FBN3: variants seen among roughly 807,000 people sequenced by gnomAD.
FBN3 encodes the protein fibrillin-3.
A neutral mutation model predicts 330.1 loss-of-function variants in FBN3; 234 were observed. That is an observed-to-expected ratio of 0.71 (90% confidence interval 0.64 to 0.79). The LOEUF (loss-of-function observed/expected upper bound fraction) is 0.79. FBN3 is among the 30% of genes least tolerant of loss of function. The pLI is 0.00. For missense variants in FBN3, 3,606 were observed against 3,886.9 expected (o/e 0.93, Z 1.92); for synonymous variants, 1,458 against 1,517.3 (o/e 0.96, Z 0.91).
intron 39 of FBN3, among the ~76,000 whole-genome samples, chr19:8,103,101 T>A (rs1299717994): frequency 6.6e-6 from 1 of 151,886 alleles, no homozygotes; most frequent in Non-Finnish European, 1.5e-5. Flanking sequence ...ACCCTGTCTC[T>A]ACTAAAAATA....
intron 38 of FBN3, among the ~76,000 whole-genome samples, chr19:8,103,942 T>C (rs1445336101): frequency 6.6e-6 from 1 of 151,288 alleles, no homozygotes; most frequent in African/African-American, 2.4e-5. Context: ...TCGAGACCAG[T>C]CTGGGCAACA....
In FBN3 at chr19:8,094,515, G is replaced by C. The variant is rs773510275; in HGVS notation, c.5836C>G (p.Gln1946Glu). 1 of 1,614,038 alleles carries C rather than the reference G, an allele frequency of 6.2e-7. No individual in the cohort carries two copies. The change falls in exon 47 of 64, where the codon CAG becomes GAG. Residue 1946 changes from glutamine (Q) to glutamate (E), a missense_variant. Physicochemically the swap from Gln to Glu is conservative, Grantham distance 29. Coordinates refer to ENST00000600128, the MANE Select transcript of FBN3 (RefSeq NM_032447.5). ...LAGTCLPGTC[Q>E]NLEGSFRCIC... The stretch of plus-strand genomic sequence containing the variant: ...CAGCGGAAGGAGCCCTCGAGGTTCT[G>C]GCAAGTGCCGGGTAGGCAGGTTCCT...
chr19:8,135,936 G>GGGCGCCCCCCCC, intron 13 of FBN3, 25 bp downstream of exon 13: 1 of 668,778 alleles, frequency 1.5e-6, no homozygotes, highest in South Asian at 1.6e-5. Flanking sequence ...GGAAGCCCCT[G>GGGCGCCCCCCCC]CCCACCCGCC....
At chr19:8,119,341 C>T (rs149052224) in intron 25 of FBN3, among the ~76,000 whole-genome samples, 1 of 152,316 alleles carries the variant, frequency 6.6e-6, no homozygotes, top group East Asian at 1.9e-4. Flanking sequence ...AGCTGAGGCT[C>T]AGTCCCGCCA....
intron 63 of FBN3, among the ~76,000 whole-genome samples, chr19:8,071,438 G>C (rs2081508815): frequency 6.6e-6 from 1 of 152,156 alleles, no homozygotes; most frequent in Admixed American, 6.6e-5. Context: ...TGGGGCCCTG[G>C]GGCTCCTAAG....
At position 8,085,162 on chromosome 19, in the gene FBN3, C is replaced by G. The variant is rs7256384; in HGVS notation, c.7087+201G>C. On this transcript the variant is annotated intron_variant, in intron 56 of 63. Coordinates refer to ENST00000600128, the MANE Select transcript of FBN3 (RefSeq NM_032447.5). ...CTCACACAACTGCTCCCTCAACCCC[C>G]CGAGTTCTTCCATGCATATGGTGCA... is the stretch of plus-strand genomic sequence containing the variant. 5.7e-3 allele frequency among the ~76,000 whole-genome samples: 862 copies of G among 151,990 alleles called. 11 individuals are homozygous for G. The highest frequency in any genetic ancestry group is 0.019 in the African/African-American group (808 of 41,458).
intron 30 of FBN3, 30 bp from the exon 31 acceptor site, chr19:8,112,129 C>G (rs759318514): frequency 8.7e-6 from 14 of 1,605,382 alleles, no homozygotes; most frequent in Non-Finnish European, 1.2e-5. Flanking sequence ...GACGCCAAGA[C>G]CCAGTCACAG....
Position 8,129,208 on chromosome 19 carries a change from C to T in FBN3, c.2170+32G>A, listed in dbSNP as rs1026587721. On this transcript the variant is annotated intron_variant, in intron 17 of 63. Transcript: ENST00000600128. This position sits in a 1 kb window ranked among gnomAD's most constrained non-coding sequence, Gnocchi z 4.5. ...AGGGGTCTGCAGTGGGAGAGGCTGC[C>T]CACACATCCGCCCGCCAGGTGGCAT... 28 of 1,612,462 alleles carry T rather than the reference C, an allele frequency of 1.7e-5. No individual in the cohort carries two copies. The highest frequency in any genetic ancestry group is 2.2e-5 in the Non-Finnish European group (26 of 1,179,300).
Position 8,091,562 on chromosome 19 carries a change from G to C in FBN3, c.5934C>G (p.Asn1978Lys). The change falls in exon 48 of 64, where the codon AAC (asparagine) becomes AAG (lysine). Residue 1978 changes from asparagine to lysine, a missense_variant. Transcript: ENST00000600128. Reference sequence around the variant, plus strand: ...TGGTACAGGTGCCAAAGAGGCAGAGGTTGGGCTCCTCTGAGCACTCGTCGA... The same window carrying C: ...TGGTACAGGTGCCAAAGAGGCAGAGCTTGGGCTCCTCTGAGCACTCGTCGA... ...IDIDECSEEP[N>K]LCLFGTCTNS... 1.2e-6 allele frequency: 2 copies of C among 1,614,170 alleles called. No homozygotes were observed. The highest frequency in any genetic ancestry group is 2.2e-5 in the South Asian group (2 of 91,084).
chr19:8,097,497 C>T (rs1310457783), intron 41 of FBN3, 83 bp from the exon 42 acceptor site: 80 of 1,457,672 alleles, frequency 5.5e-5, no homozygotes, highest in Non-Finnish European at 8.3e-6. Context: ...ACTAGCCCTG[C>T]AATCTGGTTG....
rs556017514 is a variant in FBN3, at chr19:8,070,880, G to A, written c.8088+1168C>T. On this transcript the variant is annotated intron_variant, in intron 63 of 63. Transcript: ENST00000600128. ...TCTACTAAAAATACAGAATTAGCTG[G>A]GCGTGGTGGTGCACGCCTGTAATCC... Among the ~76,000 whole-genome samples the A allele has an allele frequency of 8.5e-5, 13 of 152,200 alleles. No individual in the cohort carries two copies. In the East Asian group the frequency reaches 2.5e-3, roughly 29 times the overall value.
chr19:8,102,190 C>T (rs1198540777), intron 40 of FBN3, among the ~76,000 whole-genome samples: 2 of 151,810 alleles, frequency 1.3e-5, no homozygotes, highest in Non-Finnish European at 2.9e-5. Context: ...AACTGCGAGT[C>T]CATTAAAGTC....
At position 8,083,751 on chromosome 19, in the gene FBN3, T is replaced by C. The variant is rs891212845; in HGVS notation, c.7088-379A>G. ...GCCAACACTCAGGGACTCCCGAGTCTCCCCCCAGCCACACCCCCAAAAAGC... is the reference window on the plus strand; with the variant it reads ...GCCAACACTCAGGGACTCCCGAGTCCCCCCCCAGCCACACCCCCAAAAAGC... On this transcript the variant is annotated intron_variant, in intron 56 of 63. Transcript: ENST00000600128. Among the ~76,000 whole-genome samples, 25 of 146,912 alleles carry C rather than the reference T, an allele frequency of 1.7e-4. No homozygotes were observed. The East Asian group carries it at 4.8e-3, about 28-fold the overall frequency.
In FBN3 at chr19:8,072,147, G is replaced by T. The variant is rs775163446; in HGVS notation, c.7989C>A (p.Asp2663Glu). The change falls in exon 63 of 64, where the codon GAC (aspartate) becomes GAA (glutamate). Residue 2663 changes from aspartate (D) to glutamate (E), a missense_variant. Physicochemically the swap from Asp to Glu is conservative, Grantham distance 45. Coordinates refer to ENST00000600128, the MANE Select transcript of FBN3 (RefSeq NM_032447.5). ...CTTCAGACGAGAGCAGCTCCTCTTT[G>T]TCCGGGGTGTCCTGGGGTCCGGGGC... ...GFSPGPQDTP[D>E]KEELLSSEAC... 1 of 1,601,744 alleles carries T rather than the reference G, an allele frequency of 6.2e-7. No homozygotes were observed.
intron 62 of FBN3, among the ~76,000 whole-genome samples, chr19:8,072,491 T>A (rs1321078657): frequency 6.6e-6 from 1 of 152,092 alleles, no homozygotes; most frequent in Non-Finnish European, 1.5e-5. Flanking sequence ...GGCATGTGCG[T>A]GTGCCAACCT....
At chr19:8,093,378 C>A (rs1037910444) in intron 47 of FBN3, among the ~76,000 whole-genome samples, 2 of 152,092 alleles carry the variant, frequency 1.3e-5, no homozygotes, top group African/African-American at 4.8e-5. Context: ...AATCCCAGCA[C>A]TTTGGGAGGC....
At chr19:8,110,094 C>T (rs960170695) in intron 34 of FBN3, among the ~76,000 whole-genome samples, 9 of 152,302 alleles carry the variant, frequency 5.9e-5, no homozygotes, top group Non-Finnish European at 1.2e-4. Context: ...CTTGCTGTGT[C>T]GACCAGGCTG....
intron 63 of FBN3, among the ~76,000 whole-genome samples, chr19:8,070,448 G>A (rs1002278666): frequency 6.6e-6 from 1 of 152,180 alleles, no homozygotes; most frequent in African/African-American, 2.4e-5. Context: ...AGTAAAATCT[G>A]TGGAGTGAAG....
At chr19:8,071,470 C>T (rs1264517851) in intron 63 of FBN3, among the ~76,000 whole-genome samples, 2 of 152,068 alleles carry the variant, frequency 1.3e-5, no homozygotes, top group African/African-American at 4.8e-5. Context: ...CTGGGGTCCC[C>T]AGAGAAAAGA....
Sources: gnomAD v4.1 joint callset for allele counts (sites outside exome capture counted in the v4.1 genomes callset) on GRCh38, gnomAD v4.1.1 for gene constraint, Gnocchi (gnomAD v3.1) non-coding constraint, MANE v1.5 for transcripts, NCBI Gene and HGNC (gene_info 2026-07-23, HGNC 2026-07-21) for gene names.